CDC25C: variants seen among roughly 807,000 people sequenced by gnomAD.
The protein encoded by CDC25C is M-phase inducer phosphatase 3.
In CDC25C, 48 loss-of-function variants were observed where a neutral mutation model predicts 52.5. The observed-to-expected ratio is 0.91, with a 90% CI of 0.72 to 1.16. The LOEUF is 1.16. Ranked by LOEUF, CDC25C falls within the 50% of genes most tolerant of loss-of-function variation. CDC25C has a pLI of 0.00. For missense variants in CDC25C, 510 were observed against 566.1 expected, an observed-to-expected ratio of 0.90 and a Z score of 1.01; for synonymous variants, 187 against 206.5, an observed-to-expected ratio of 0.91 and a Z score of 0.81.
intron 7 of CDC25C, among the ~76,000 whole-genome samples, chr5:138,294,567 C>T (rs1405486360): frequency 1.0e-4 from 15 of 146,062 alleles, no homozygotes; most frequent in Non-Finnish European, 1.3e-4. Context: ...TGCAGTGGCG[C>T]GACCTCAGCG....
At chr5:138,338,342 G>A (rs1423706719), upstream of CDC25C, 7 of 447,346 alleles carry the variant, frequency 1.6e-5, no homozygotes, top group Admixed American at 1.7e-4. Context: ...CTGGGGCCTC[G>A]GGGCGGGCAC....
intron 6 of CDC25C, among the ~76,000 whole-genome samples, chr5:138,324,448 GA>G (rs869199931): frequency 2.1e-4 from 30 of 145,102 alleles, no homozygotes; most frequent in East Asian, 6.0e-4. Context: ...CTAGGGAGAG[GA>G]AAAAAAAAAA....
intron 7 of CDC25C, among the ~76,000 whole-genome samples, chr5:138,308,816 A>G (rs1758227985): frequency 6.6e-6 from 1 of 152,128 alleles, no homozygotes; most frequent in Admixed American, 6.5e-5. Context: ...ATTGCTAAAA[A>G]CAGGCTCTGG....
At chr5:138,325,357 G>A (rs917237832) in intron 6 of CDC25C, among the ~76,000 whole-genome samples, 2 of 152,064 alleles carry the variant, frequency 1.3e-5, no homozygotes, top group East Asian at 1.9e-4. Flanking sequence ...ATGGCCTAAG[G>A]TTTAGATAAA....
intron 6 of CDC25C, 101 bp downstream of exon 6, chr5:138,325,714 G>T: frequency 2.5e-6 from 2 of 788,952 alleles, no homozygotes; most frequent in Non-Finnish European, 4.2e-6. Flanking sequence ...TCCTTGTCTA[G>T]CATACGAGGT....
At position 138,328,620 on chromosome 5, in the gene CDC25C, G is replaced by A. The variant is rs11567967; in HGVS notation, c.290-91C>T. On this transcript the variant is annotated intron_variant, in intron 3 of 13. Transcript: ENST00000323760. ...AGATTTTCTTCATTACCAGTAAGCC[G>A]TATTAATTTCAAGGACTGAGCTTTT... 1.4e-3 allele frequency: 1,447 copies of A among 1,056,000 alleles called. 9 individuals carry two copies. The African/African-American group carries it at 0.015, about 11-fold the overall frequency. 65.4% of individuals were successfully genotyped at this position (1,056,000 alleles called of 1,614,324 possible).
At chr5:138,309,184 T>G (rs1580760100) in intron 7 of CDC25C, among the ~76,000 whole-genome samples, 1 of 151,286 alleles carries the variant, frequency 6.6e-6, no homozygotes, top group Non-Finnish European at 1.5e-5. Flanking sequence ...CCACTAAGCT[T>G]CTCTAGAACT....
chr5:138,312,993 C>T (rs1419006539), intron 7 of CDC25C, among the ~76,000 whole-genome samples: 1 of 150,846 alleles, frequency 6.6e-6, no homozygotes, highest in Non-Finnish European at 1.5e-5. Context: ...GTACCTAGAG[C>T]AAACTCATAG....
rs188705761 is a variant in CDC25C at position 138,298,647 on chromosome 5, G to A, written c.616-6531C>T. On this transcript the variant is annotated intron_variant, in intron 7 of 13. Transcript: ENST00000323760. ...TGCCTGTAGTCCCAGCTATTCAGGA[G>A]GCTGAGGCAGGAGAATCGCTTGAAC... Among the ~76,000 whole-genome samples the A allele has an allele frequency of 5.6e-3, 848 of 152,116 alleles. 7 individuals are homozygous for A. Among genetic ancestry groups the A allele is most frequent in the African/African-American group, 0.02 (821 of 41,506 alleles).
intron 7 of CDC25C, among the ~76,000 whole-genome samples, chr5:138,304,598 T>C (rs1757868829): frequency 6.6e-6 from 1 of 151,770 alleles, no homozygotes; most frequent in Non-Finnish European, 1.5e-5. Flanking sequence ...CTTGACCTCC[T>C]GGGCTCAAGC....
At chr5:138,325,589 G>A (rs1451574722) in intron 6 of CDC25C, among the ~76,000 whole-genome samples, 2 of 152,116 alleles carry the variant, frequency 1.3e-5, no homozygotes, top group Non-Finnish European at 2.9e-5. Context: ...AACTGAACAT[G>A]AGAAATAATG....
rs759001272 is a variant in CDC25C, at chr5:138,292,090, G to A, written c.642C>T (p.Ser214=). Residue 214 remains serine, a synonymous_variant, in exon 8 of 14, where the codon TCC becomes TCT. Transcript: ENST00000323760. ...AKVSRSGLYR[S]PSMPENLNRP... ...TGTTCAAGTTCTCTGGCATCGACGG[G>A]GAGCGATATAGGCCACTTCTGCTCA... 4.3e-6 allele frequency: 7 copies of A among 1,612,910 alleles called. No individual in the cohort carries two copies. In the Admixed American group the frequency reaches 1.2e-4, roughly 27 times the overall value.
intron 7 of CDC25C, among the ~76,000 whole-genome samples, chr5:138,302,463 G>A (rs979250042): frequency 6.6e-6 from 1 of 151,770 alleles, no homozygotes; most frequent in African/African-American, 2.4e-5. Flanking sequence ...ACTTTGGGAG[G>A]CCAAGGCAGG....
upstream of CDC25C, chr5:138,331,828 A>T: frequency 5.1e-6 from 5 of 985,856 alleles, no homozygotes; most frequent in Non-Finnish European, 6.0e-6. Flanking sequence ...GGCGTTGACC[A>T]TTCAAACCTT....
intron 7 of CDC25C, 99 bp downstream of exon 7, chr5:138,319,120 T>G (rs1759138281): frequency 9.6e-7 from 1 of 1,039,124 alleles, no homozygotes; most frequent in African/African-American, 1.6e-5. Context: ...GTTATTTTTT[T>G]GCTCAAATAA....
At position 138,286,146 on chromosome 5, in the gene CDC25C, C is replaced by T. The variant is rs1756205702; in HGVS notation, c.1161-13G>A. On this transcript the variant is annotated splice_polypyrimidine_tract_variant and intron_variant, in intron 12 of 13. Coordinates refer to ENST00000323760, the MANE Select transcript of CDC25C (RefSeq NM_001790.5). ...CAGACAGCGGCACCTTTAGAGAGAA[C>T]CCAGAGATGGGTGGGGTGGAAAGAA... 1 of 1,592,718 alleles carries T rather than the reference C, an allele frequency of 6.3e-7. No homozygotes were observed. The highest frequency in any genetic ancestry group is 8.6e-7 in the Non-Finnish European group (1 of 1,162,386).
intron 7 of CDC25C, among the ~76,000 whole-genome samples, chr5:138,310,282 C>T (rs189287429): frequency 5.4e-4 from 82 of 152,294 alleles, no homozygotes; most frequent in Non-Finnish European, 8.5e-4. Context: ...GAAGACACTT[C>T]GAACAAGTGC....
At chr5:138,337,711 G>A (rs575532143) in intron 1 of CDC25C, 19 of 333,748 alleles carry the variant, frequency 5.7e-5, no homozygotes, top group South Asian at 3.3e-4. Context: ...AGCTGCAAGA[G>A]GGGCTCCTGG....
intron 3 of CDC25C, 32 bp downstream of exon 3, chr5:138,329,520 TC>T (rs1332194362): frequency 7.8e-7 from 1 of 1,285,950 alleles, no homozygotes; most frequent in Admixed American, 1.7e-5. Context: ...AAGTTATTCT[TC>T]CCTTTGAGGC....
Sources: gnomAD v4.1 joint callset for allele counts (sites outside exome capture counted in the v4.1 genomes callset) on GRCh38, gnomAD v4.1.1 for gene constraint, MANE v1.5 for transcripts, NCBI Gene and HGNC (gene_info 2026-07-23, HGNC 2026-07-21) for gene names.